Variants in SRSF3 observed in about 807,000 individuals in gnomAD.
SRSF3 encodes serine and arginine rich splicing factor 3, also known as serine/arginine-rich splicing factor 3.
For synonymous variants in SRSF3, 87 were observed against 73.6 expected (o/e 1.18, Z -0.93); for missense variants, 58 against 217.1 (o/e 0.27, Z 4.61).
chr6:36,601,809 A>T lies in SRSF3; in HGVS notation c.467+15A>T, dbSNP rs766831501. On this transcript the variant is annotated intron_variant, in intron 5 of 5. Transcript: ENST00000373715. The stretch of plus-strand genomic sequence containing the variant: ...AGGTCTCGTAGGTAAGATCTTTGAT[A>T]ACTTGTATTTAAGACTTTGCATACA... 3.1e-6 allele frequency: 5 copies of T among 1,606,024 alleles called. No homozygotes were observed. Among genetic ancestry groups the T allele is most frequent in the Non-Finnish European group, 4.3e-6 (5 of 1,173,616 alleles).
chr6:36,595,829 T>G (rs1778617969), intron 1 of SRSF3, among the ~76,000 whole-genome samples: 1 of 152,236 alleles, frequency 6.6e-6, no homozygotes, highest in Non-Finnish European at 1.5e-5. Flanking sequence ...TTGATAAATT[T>G]TTACCGCGTA....
rs1778687187 is a variant in SRSF3 at position 36,599,703 on chromosome 6, T to C, written c.341+720T>C. The C allele has an allele frequency of 5.0e-6, 4 of 801,024 alleles. No individual in the cohort carries two copies. In the Admixed American group the frequency reaches 9.3e-5, roughly 19 times the overall value. The allele number at this position is 801,024 out of a possible 1,614,324, so 49.6% of individuals were successfully genotyped here. ...GCTATTTTGAAAAACAACAGCACAC[T>C]GTTGCCCATCATAATAAAGAGTATT... On this transcript the variant is annotated intron_variant, in intron 3 of 5. Transcript: ENST00000373715.
rs752460008 is a variant in SRSF3 at position 36,601,742 on chromosome 6, C to T, written c.415C>T (p.Leu139=). 1 of 1,609,658 alleles carries T rather than the reference C, an allele frequency of 6.2e-7. No individual in the cohort carries two copies. Among genetic ancestry groups the T allele is most frequent in the Non-Finnish European group, 8.5e-7 (1 of 1,176,524 alleles). ...TAGAGATAGGAGAAGAGAGAGATCG[C>T]TGTCTCGGGAGAGAAATCACAAGCC... The part of the protein sequence containing the change: ...LSRDRRRERS[L]SRERNHKPSR... Residue 139 remains leucine, a synonymous_variant, in exon 5 of 6, where the codon CTG becomes TTG. Coordinates refer to ENST00000373715, the MANE Select transcript of SRSF3 (RefSeq NM_003017.5).
At chr6:36,597,095 ATC>A (rs1476087400) in intron 2 of SRSF3, 127 bp downstream of exon 2, 286 of 493,672 alleles carry the variant, frequency 5.8e-4, no homozygotes, top group African/African-American at 3.1e-3. Flanking sequence ...TACAATTGGG[ATC>A]TTTTTTTTTT....
Position 36,603,124 on chromosome 6 carries a change from T to G in SRSF3, c.*1135T>G, listed in dbSNP as rs933377449. 2 of 223,802 alleles carry G rather than the reference T, an allele frequency of 8.9e-6. No individual in the cohort carries two copies. The highest frequency in any genetic ancestry group is 1.8e-4 in the South Asian group (1 of 5,434). The allele number at this position is 223,802 out of a possible 1,614,324, so 13.9% of individuals were successfully genotyped here. A position where few individuals can be genotyped will look rare whatever the true frequency, so the allele number is the denominator to read the frequency against. ...AAGCCAGTTCAGGGTCCATAATATTTAGTGACCAACATTTTAAAGTATAGC... is the reference window on the plus strand; with the variant it reads ...AAGCCAGTTCAGGGTCCATAATATTGAGTGACCAACATTTTAAAGTATAGC... On this transcript the variant is annotated 3_prime_UTR_variant, in exon 6 of 6. Coordinates refer to ENST00000373715, the MANE Select transcript of SRSF3 (RefSeq NM_003017.5).
Position 36,603,296 on chromosome 6 carries a change from G to A in SRSF3, c.*1307G>A, listed in dbSNP as rs994635798. The A allele has an allele frequency of 1.0e-4, 23 of 224,884 alleles. No homozygotes were observed. The highest frequency in any genetic ancestry group is 9.2e-4 in the Admixed American group (16 of 17,462). The allele number at this position is 224,884 out of a possible 1,614,324, so 13.9% of individuals were successfully genotyped here. ...GAATTCTAAGCTGATCCATCATGATGTAAAAGTTCACAATATGGTTCAAAT... is the reference window on the plus strand; with the variant it reads ...GAATTCTAAGCTGATCCATCATGATATAAAAGTTCACAATATGGTTCAAAT... On this transcript the variant is annotated 3_prime_UTR_variant, in exon 6 of 6. Coordinates refer to ENST00000373715, the MANE Select transcript of SRSF3 (RefSeq NM_003017.5).
chr6:36,603,090 T>A lies in SRSF3; in HGVS notation c.*1101T>A, dbSNP rs74438297. On this transcript the variant is annotated 3_prime_UTR_variant, in exon 6 of 6. Transcript: ENST00000373715. ...ATAGTTAACCCATTTTTTTTTTTTT[T>A]AGGCATAGAAGCCAGTTCAGGGTCC... 20 of 220,140 alleles carry A rather than the reference T, an allele frequency of 9.1e-5. No homozygotes were observed. Among genetic ancestry groups the A allele is most frequent in the African/African-American group, 1.8e-4 (8 of 44,686 alleles). 13.6% of individuals were successfully genotyped at this position (220,140 alleles called of 1,614,324 possible).
At position 36,605,458 on chromosome 6, in the gene SRSF3, C is replaced by G. The variant is rs1262561367; in HGVS notation, c.*3469C>G. ...TGAGCCGAGATGTAGCCACTTCACT[C>G]CAGCCTGAGTGAAAGCAAAACTTCG... is the stretch of plus-strand genomic sequence containing the variant. On this transcript the variant is annotated 3_prime_UTR_variant, in exon 6 of 6. Coordinates refer to ENST00000373715, the MANE Select transcript of SRSF3 (RefSeq NM_003017.5). 1.3e-5 allele frequency: 2 copies of G among 151,558 alleles called. No individual in the cohort carries two copies. Among genetic ancestry groups the G allele is most frequent in the Admixed American group, 6.6e-5 (1 of 15,218 alleles). The allele number at this position is 151,558 out of a possible 1,614,324, so 9.4% of individuals were successfully genotyped here. A position where few individuals can be genotyped will look rare whatever the true frequency, so the allele number is the denominator to read the frequency against.
In SRSF3 at chr6:36,601,153, T is replaced by TCTC. The variant is rs1562013536; in HGVS notation, c.345_347dup (p.Pro116dup). 1.2e-6 allele frequency: 2 copies of TCTC among 1,613,796 alleles called. No individual in the cohort carries two copies. Reference sequence around the variant, plus strand: ...TAATTTTCCTGTTTCTGCTTTTAGATCTCCAAGAAGGAGAAGCTTCTCTCG... The same window carrying TCTC: ...TAATTTTCCTGTTTCTGCTTTTAGATCTCCTCCAAGAAGGAGAAGCTTCTCTCG... On this transcript the variant is annotated inframe_insertion and splice_region_variant, in exon 4 of 6. Transcript: ENST00000373715.
At chr6:36,596,230 A>T (rs1582509052) in intron 1 of SRSF3, among the ~76,000 whole-genome samples, 1 of 152,094 alleles carries the variant, frequency 6.6e-6, no homozygotes, top group Non-Finnish European at 1.5e-5. Context: ...GTCCATGGGC[A>T]TTTTTTTAAA....
chr6:36,601,310 G>GT, intron 4 of SRSF3, 120 bp downstream of exon 4: 1 of 916,376 alleles, frequency 1.1e-6, no homozygotes, highest in Non-Finnish European at 1.7e-6. Flanking sequence ...GAATCAAGTT[G>GT]TAAGGATGAG....
intron 1 of SRSF3, among the ~76,000 whole-genome samples, chr6:36,595,591 T>G (rs907441318): frequency 2.0e-5 from 3 of 152,228 alleles, no homozygotes; most frequent in Admixed American, 2.0e-4. Flanking sequence ...TATGGAATCG[T>G]GTACTTTTAT....
At chr6:36,597,098 T>A in intron 2 of SRSF3, 130 bp downstream of exon 2, 88 of 83,262 alleles carry the variant, frequency 1.1e-3, no homozygotes, top group East Asian at 4.0e-3. Context: ...AATTGGGATC[T>A]TTTTTTTTTT....
intron 4 of SRSF3, 52 bp from the exon 5 acceptor site, chr6:36,601,656 A>C (rs377179907): frequency 9.5e-6 from 14 of 1,474,190 alleles, no homozygotes; most frequent in African/African-American, 2.8e-5. Flanking sequence ...GAAAATATTT[A>C]TGTATAATTT....
intron 4 of SRSF3, 157 bp downstream of exon 4, chr6:36,601,347 T>C (rs755309625): frequency 1.5e-5 from 11 of 718,292 alleles, no homozygotes; most frequent in Non-Finnish European, 2.5e-5. Context: ...TTTCAAAGGC[T>C]TTTTAGAAAG....
intron 3 of SRSF3, 144 bp from the exon 4 acceptor site, chr6:36,601,008 T>G (rs1021033990): frequency 6.6e-5 from 19 of 286,522 alleles, no homozygotes; most frequent in Middle Eastern, 8.4e-4. Flanking sequence ...TTTCTTTTTT[T>G]TTTTTTTTTT....
chr6:36,601,015 T>TC (rs1290157503), intron 3 of SRSF3, 137 bp from the exon 4 acceptor site: 131 of 316,080 alleles, frequency 4.1e-4, no homozygotes, highest in African/African-American at 2.9e-3. Context: ...TTTTTTTTTT[T>TC]TTTTTTTTTT....
rs1427883458 is a variant in SRSF3 at position 36,598,994 on chromosome 6, GA to G, written c.341+14del. ...TCCACCTCGTCGCAGGTACTTGAGA[GA>G]AAGCTTGTTAAGAGGTATTGGTGTA... On this transcript the variant is annotated intron_variant, in intron 3 of 5. Transcript: ENST00000373715. The G allele has an allele frequency of 6.2e-7, 1 of 1,613,772 alleles. No homozygotes were observed. Among genetic ancestry groups the G allele is most frequent in the African/African-American group, 1.3e-5 (1 of 74,920 alleles).
chr6:36,594,398 G>C lies in SRSF3; in HGVS notation c.-86G>C, dbSNP rs17553386. The C allele has an allele frequency of 0.026, 4,043 of 152,778 alleles. 63 individuals carry two copies. The highest frequency in any genetic ancestry group is 0.039 in the African/African-American group (1,637 of 41,576). The allele number at this position is 152,778 out of a possible 1,614,324, so 9.5% of individuals were successfully genotyped here. On this transcript the variant is annotated 5_prime_UTR_variant, in exon 1 of 6. Coordinates refer to ENST00000373715, the MANE Select transcript of SRSF3 (RefSeq NM_003017.5). ...TGGACGCCGGGTGAGTGAGAGAGTTGGTTGGTGTTGGGCCGGAGGAAAGCG... is the reference window on the plus strand; with the variant it reads ...TGGACGCCGGGTGAGTGAGAGAGTTCGTTGGTGTTGGGCCGGAGGAAAGCG...
Sources: allele counts gnomAD v4.1 joint callset (sites outside exome capture counted in the v4.1 genomes callset), GRCh38; gene constraint gnomAD v4.1.1; transcripts MANE v1.5; gene names NCBI Gene and HGNC (gene_info 2026-07-23, HGNC 2026-07-21).